The following EP400 variants were observed in gnomAD, a reference collection of about 807,000 sequenced individuals.
EP400 encodes the protein E1A-binding protein p400.
In EP400, 105 loss-of-function variants were observed where a neutral mutation model predicts 354.1. The ratio of observed to expected loss-of-function variants is 0.30; its 90% CI spans 0.25 to 0.35. EP400 has a LOEUF of 0.35. Ranked by LOEUF, EP400 falls within the 10% of genes least tolerant of loss-of-function variation. EP400 has a pLI of 1.00. For missense variants in EP400, 3,280 were observed against 4,121.0 expected (o/e 0.80, Z 5.59); for synonymous variants, 1,646 against 1,716.9 (o/e 0.96, Z 1.02).
At chr12:131,973,559 C>A (rs1234759672) in intron 2 of EP400, among the ~76,000 whole-genome samples, 2 of 152,168 alleles carry the variant, frequency 1.3e-5, no homozygotes, top group African/African-American at 4.8e-5. Flanking sequence ...AGGAGAATCA[C>A]TTGAACCCAG....
Position 132,062,248 on chromosome 12 carries a change from G to A in EP400, c.8023G>A (p.Ala2675Thr), listed in dbSNP as rs780344276. The change falls in exon 46 of 53, where the codon GCC (alanine) becomes ACC (threonine). Residue 2675 changes from alanine (A) to threonine (T), a missense_variant. Physicochemically the swap from Ala to Thr is moderately conservative, Grantham distance 58. Around this residue, in one of 20 missense-constraint regions of EP400, gnomAD observed 255 missense variants for 295.9 expected, o/e 0.86. Coordinates refer to ENST00000389561, the MANE Select transcript of EP400 (RefSeq NM_015409.5). ...TGTTCGAGCGGTCACTTCTGTGACA[G>A]CCTCGGCCGTGGTCACTACCAACCT... ...QGVRAVTSVT[A>T]SAVVTTNLTP... 7 of 1,614,244 alleles carry A rather than the reference G, an allele frequency of 4.3e-6. No individual in the cohort carries two copies. The highest frequency in any genetic ancestry group is 1.3e-5 in the African/African-American group (1 of 75,054).
chr12:132,035,067 C>T (rs569342216), intron 30 of EP400, among the ~76,000 whole-genome samples: 1 of 152,252 alleles, frequency 6.6e-6, no homozygotes, highest in East Asian at 1.9e-4. Flanking sequence ...AAAGACCCCC[C>T]CTTACTCTTA....
At position 131,987,724 on chromosome 12, in the gene EP400, G is replaced by T; in HGVS notation, c.2243G>T (p.Arg748Leu). 1 of 1,608,774 alleles carries T rather than the reference G, an allele frequency of 6.2e-7. No individual in the cohort carries two copies. Among genetic ancestry groups the T allele is most frequent in the African/African-American group, 1.3e-5 (1 of 74,904 alleles). Residue 748 changes from arginine to leucine, a missense_variant, in exon 7 of 53, where the codon CGC becomes CTC. Arg to Leu is a moderately radical substitution (Grantham distance 102, BLOSUM62 -2). Transcript: ENST00000389561. ...QITLENQVHQ[R>L]IAELRKAGLW... ...CTACAGGAGAACCAGGTGCATCAGC[G>T]CATTGCGGAGCTGAGGAAAGCAGGT... is the stretch of plus-strand genomic sequence containing the variant.
At chr12:132,064,556 T>G in intron 47 of EP400, 112 bp from the exon 48 acceptor site, 2 of 1,390,278 alleles carry the variant, frequency 1.4e-6, no homozygotes, top group Non-Finnish European at 1.9e-6. Context: ...CGGTAGCAGG[T>G]GTCTGCTTTG....
chr12:131,979,728 C>A lies in EP400; in HGVS notation c.1370C>A (p.Ala457Asp). 6.2e-7 allele frequency: 1 copy of A among 1,609,458 alleles called. No homozygotes were observed. Among genetic ancestry groups the A allele is most frequent in the Non-Finnish European group, 8.5e-7 (1 of 1,177,772 alleles). The stretch of plus-strand genomic sequence containing the variant: ...CTCGCAGGGAGCCTGGTAGCAGGGG[C>A]CGGAAGCACAGTAGAGACGGACCTG... ...QALAGSLVAG[A>D]GSTVETDLFK... Residue 457 changes from alanine (A) to aspartate (D), a missense_variant, in exon 3 of 53, where the codon GCC becomes GAC. Physicochemically the swap from Ala to Asp is moderately radical, Grantham distance 126 (BLOSUM62 -2). Around this residue, in one of 20 missense-constraint regions of EP400, gnomAD observed 800 missense variants for 840.0 expected, o/e 0.95. Transcript: ENST00000389561.
chr12:131,949,995 C>T lies in EP400; in HGVS notation c.-77C>T, dbSNP rs1345457787. The T allele has an allele frequency of 6.6e-6, 1 of 151,848 alleles. No individual in the cohort carries two copies. Among genetic ancestry groups the T allele is most frequent in the Non-Finnish European group, 1.5e-5 (1 of 67,924 alleles). The allele number at this position is 151,848 out of a possible 1,614,324, so 9.4% of individuals were successfully genotyped here. ...CGGCTGCGGCGCGGCTTCCATCCTC[C>T]CGCCCTCCTGACGCGGCCGGAGCGC... is the stretch of plus-strand genomic sequence containing the variant. On this transcript the variant is annotated 5_prime_UTR_variant, in exon 1 of 53. Transcript: ENST00000389561.
chr12:132,028,950 T>C (rs2136553914), intron 27 of EP400: 1 of 152,566 alleles, frequency 6.6e-6, no homozygotes, highest in African/African-American at 2.4e-5. Flanking sequence ...CTATTTCAGT[T>C]CTTTCAGATC....
At chr12:131,967,968 C>G (rs1411649907) in intron 2 of EP400, among the ~76,000 whole-genome samples, 1 of 152,258 alleles carries the variant, frequency 6.6e-6, no homozygotes, top group South Asian at 2.1e-4. Context: ...AGAGTTATTA[C>G]TGCATTTGAA....
chr12:132,026,433 G>C (rs905420156), intron 25 of EP400, among the ~76,000 whole-genome samples: 1 of 152,184 alleles, frequency 6.6e-6, no homozygotes, highest in Admixed American at 6.5e-5. Context: ...TGTTGGGTGG[G>C]TCACTGCCAA....
Position 132,062,630 on chromosome 12 carries a change from G to T in EP400, c.8263G>T (p.Val2755Leu), listed in dbSNP as rs766024351. ...QQQQTTTTSQVQVPQIQGQAQ... is the reference protein window; with the variant it reads ...QQQQTTTTSQLQVPQIQGQAQ... Reference sequence around the variant, plus strand: ...GCAACAGACGACGACGACCTCTCAGGTGCAAGTTCCACAGATCCAGGGCCA... The same window carrying T: ...GCAACAGACGACGACGACCTCTCAGTTGCAAGTTCCACAGATCCAGGGCCA... The change falls in exon 47 of 53, where the codon GTG (valine) becomes TTG (leucine). Residue 2755 changes from valine (V) to leucine (L), a missense_variant. Coordinates refer to ENST00000389561, the MANE Select transcript of EP400 (RefSeq NM_015409.5). The T allele has an allele frequency of 5.0e-6, 8 of 1,612,292 alleles. No individual in the cohort carries two copies. The Admixed American group carries it at 1.3e-4, about 27-fold the overall frequency.
At chr12:132,056,858 CTG>C (rs1593379330) in intron 45 of EP400, among the ~76,000 whole-genome samples, 1 of 152,168 alleles carries the variant, frequency 6.6e-6, no homozygotes, top group Non-Finnish European at 1.5e-5. Context: ...AAACAAGCAA[CTG>C]TATAAAATGG....
Position 132,017,119 on chromosome 12 carries a change from G to A in EP400, c.3924-416G>A, listed in dbSNP as rs1274160262. The stretch of plus-strand genomic sequence containing the variant: ...GCACAGGGCATGGACCTGGGTCCTC[G>A]TCTACCCCCGCTCACTGCCTGCAGG... On this transcript the variant is annotated intron_variant, in intron 19 of 52. Coordinates refer to ENST00000389561, the MANE Select transcript of EP400 (RefSeq NM_015409.5). This position sits in a 1 kb window ranked among gnomAD's most constrained non-coding sequence, Gnocchi z 5.0. Among the ~76,000 whole-genome samples the A allele has an allele frequency of 2.0e-5, 3 of 152,318 alleles. No individual in the cohort carries two copies. The highest frequency in any genetic ancestry group is 2.1e-4 in the South Asian group (1 of 4,828).
chr12:132,061,258 G>A (rs371142345), intron 45 of EP400, among the ~76,000 whole-genome samples: 2 of 152,234 alleles, frequency 1.3e-5, no homozygotes, highest in Admixed American at 6.5e-5. Flanking sequence ...AGAGCAGAGC[G>A]AGTTGCTCCC....
In EP400 at chr12:131,960,692, G is replaced by T. The variant is rs1434741327; in HGVS notation, c.73G>T (p.Gly25Cys). 2.5e-6 allele frequency: 4 copies of T among 1,578,920 alleles called. No individual in the cohort carries two copies. Among genetic ancestry groups the T allele is most frequent in the East Asian group, 4.6e-5 (2 of 43,684 alleles). Reference protein sequence around the residue: ...QRSRACPGSEGEEQPAHPNPP... With the variant: ...QRSRACPGSECEEQPAHPNPP... ...GTCCAGGGCCTGCCCTGGCAGCGAGGGTGAGGAGCAGCCGGCCCACCCCAA... is the reference window on the plus strand; with the variant it reads ...GTCCAGGGCCTGCCCTGGCAGCGAGTGTGAGGAGCAGCCGGCCCACCCCAA... Residue 25 changes from glycine (G) to cysteine (C), a missense_variant, in exon 2 of 53, where the codon GGT (glycine) becomes TGT (cysteine). Physicochemically the swap from Gly to Cys is radical, Grantham distance 159. Around this residue, in one of 20 missense-constraint regions of EP400, gnomAD observed 172 missense variants for 242.9 expected, o/e 0.71. Coordinates refer to ENST00000389561, the MANE Select transcript of EP400 (RefSeq NM_015409.5).
chr12:132,063,599 G>A (rs1178867546), intron 47 of EP400, among the ~76,000 whole-genome samples: 1 of 152,180 alleles, frequency 6.6e-6, no homozygotes, highest in Non-Finnish European at 1.5e-5. Context: ...ATAAAGACAA[G>A]ACAATATTTT....
chr12:131,982,583 C>T (rs113878817), intron 5 of EP400, 105 bp downstream of exon 5: 58,001 of 1,408,652 alleles, frequency 0.041, 1,402 homozygotes, highest in Non-Finnish European at 0.049. Flanking sequence ...TGTATTTTCT[C>T]TTAGCAGCTT....
chr12:131,986,934 G>T, intron 6 of EP400, 127 bp downstream of exon 6: 1 of 1,168,282 alleles, frequency 8.6e-7, no homozygotes, highest in Non-Finnish European at 1.2e-6. Flanking sequence ...GGAATCAGTA[G>T]ACACAAGATG....
rs2136494215 is a variant in EP400 at position 131,983,845 on chromosome 12, G to C, written c.1929+1367G>C. Among the ~76,000 whole-genome samples the C allele has an allele frequency of 2.0e-5, 3 of 151,986 alleles. No homozygotes were observed. In the Middle Eastern group the frequency reaches 0.01, roughly 521 times the overall value. ...CAGGCGCACACCACTACACCTGGCTGATTTTTGTATTGTTGTAGAGATGGG... is the reference window on the plus strand; with the variant it reads ...CAGGCGCACACCACTACACCTGGCTCATTTTTGTATTGTTGTAGAGATGGG... On this transcript the variant is annotated intron_variant, in intron 5 of 52. Transcript: ENST00000389561.
Position 131,986,631 on chromosome 12 carries a change from G to A in EP400, c.2047G>A (p.Ala683Thr), listed in dbSNP as rs1188295717. ...TGGCTCCGGCCCAGGACCCTCCCCT[G>A]CTCGATCCTCTCCAGTAAATAGACC... ...VSGSGPGPSP[A>T]RSSPVNRPSS... The change falls in exon 6 of 53, where the codon GCT becomes ACT. Residue 683 changes from alanine to threonine, a missense_variant. Around this residue, in one of 20 missense-constraint regions of EP400, gnomAD observed 800 missense variants for 840.0 expected, o/e 0.95. Coordinates refer to ENST00000389561, the MANE Select transcript of EP400 (RefSeq NM_015409.5). The A allele has an allele frequency of 1.2e-6, 2 of 1,613,820 alleles. No individual in the cohort carries two copies. Among genetic ancestry groups the A allele is most frequent in the Non-Finnish European group, 1.7e-6 (2 of 1,180,006 alleles).
Sources: allele counts gnomAD v4.1 joint callset (sites outside exome capture counted in the v4.1 genomes callset), GRCh38; gene constraint gnomAD v4.1.1; regional missense constraint gnomAD v4.1.1; non-coding constraint Gnocchi (gnomAD v3.1); transcripts MANE v1.5; gene names NCBI Gene and HGNC (gene_info 2026-07-23, HGNC 2026-07-21).